KCNA6: variants seen among roughly 807,000 people sequenced by gnomAD.
KCNA6 encodes the protein human brain potassium channel-2.
A neutral mutation model predicts 29.5 loss-of-function variants in KCNA6; 17 were observed. The ratio of observed to expected loss-of-function variants is 0.58; its 90% CI spans 0.39 to 0.86. KCNA6 has a LOEUF of 0.86. Ranked by LOEUF, KCNA6 falls within the 40% of genes least tolerant of loss-of-function variation. KCNA6 has a pLI of 0.00. For missense variants in KCNA6, 450 were observed against 703.4 expected (o/e 0.64, Z 4.07); for synonymous variants, 296 against 304.7 (o/e 0.97, Z 0.30).
chr12:4,820,743 C>T, the KCNA6 span, among the ~76,000 whole-genome samples: 3 of 152,258 alleles, frequency 2.0e-5, no homozygotes, highest in African/African-American at 7.2e-5. Context: ...AAGCCCAGAA[C>T]CAGATGACCA....
chr12:4,821,820 T>G, the KCNA6 span, among the ~76,000 whole-genome samples: 1 of 152,204 alleles, frequency 6.6e-6, no homozygotes, highest in Non-Finnish European at 1.5e-5. Context: ...TCCCTGCTGC[T>G]GAGGCTGGGC....
At chr12:4,839,453 C>T in the KCNA6 span, 6 of 152,180 alleles carry the variant, frequency 3.9e-5, no homozygotes, top group African/African-American at 1.4e-4. Context: ...ATACATATAA[C>T]ATACAAAATA....
At chr12:4,817,391 T>C (rs537057212), downstream of KCNA6, among the ~76,000 whole-genome samples, 318 of 152,242 alleles carry the variant, frequency 2.1e-3, 2 homozygotes, top group African/African-American at 7.5e-3. Flanking sequence ...GATGAACCAC[T>C]TTCCTGTGCT....
Position 4,810,878 on chromosome 12 carries a change from G to C in KCNA6, c.837G>C (p.Leu279=). The change falls in exon 1 of 1, where the codon CTG becomes CTC. Residue 279 remains leucine, a synonymous_variant. Coordinates refer to ENST00000280684, the Ensembl canonical transcript of KCNA6. The surrounding 1 kb of genome is among the most constrained non-coding windows in gnomAD (Gnocchi z 7.5). Reference sequence around the variant, plus strand: ...TTGTCTGGTTCACTTTTGAGCTCCTGGTGCGCTTCTCCGCCTGCCCTAGCA... The same window carrying C: ...TTGTCTGGTTCACTTTTGAGCTCCTCGTGCGCTTCTCCGCCTGCCCTAGCA... The C allele has an allele frequency of 6.2e-7, 1 of 1,613,342 alleles. No homozygotes were observed. Among genetic ancestry groups the C allele is most frequent in the East Asian group, 2.2e-5 (1 of 44,874 alleles).
chr12:4,814,547 C>T (rs749558001), downstream of KCNA6: 5 of 167,122 alleles, frequency 3.0e-5, no homozygotes, highest in Admixed American at 6.5e-5. The surrounding 1 kb of genome is among the most constrained non-coding windows in gnomAD (Gnocchi z 4.6). Flanking sequence ...TGATCCCTCT[C>T]GGACCCTGAG....
Position 4,811,406 on chromosome 12 carries a change from C to G in KCNA6, c.1365C>G (p.Pro455=), listed in dbSNP as rs140094246. The G allele has an allele frequency of 6.2e-7, 1 of 1,614,156 alleles. No individual in the cohort carries two copies. Among genetic ancestry groups the G allele is most frequent in the African/African-American group, 1.3e-5 (1 of 75,048 alleles). Reference sequence around the variant, plus strand: ...TCCTCACCATTGCCCTGCCTGTGCCCGTCATCGTCTCCAACTTCAACTACT... The same window carrying G: ...TCCTCACCATTGCCCTGCCTGTGCCGGTCATCGTCTCCAACTTCAACTACT... The change falls in exon 1 of 1, where the codon CCC becomes CCG. Residue 455 remains proline, a synonymous_variant. Transcript: ENST00000280684. The surrounding 1 kb of genome is among the most constrained non-coding windows in gnomAD (Gnocchi z 7.1).
chr12:4,840,376 A>T, the KCNA6 span, among the ~76,000 whole-genome samples: 2 of 152,206 alleles, frequency 1.3e-5, no homozygotes, highest in South Asian at 4.1e-4. Flanking sequence ...CAATAAGCAC[A>T]TGAAAAAAGC....
chr12:4,810,007 CG>C lies in KCNA6; in HGVS notation c.-34del. 1 of 1,502,644 alleles carries C rather than the reference CG, an allele frequency of 6.7e-7. No homozygotes were observed. Among genetic ancestry groups the C allele is most frequent in the Admixed American group, 2.3e-5 (1 of 43,938 alleles). 93.1% of individuals were successfully genotyped at this position (1,502,644 alleles called of 1,614,324 possible). ...GCTCCAGAGATTGTGTCGTGGGCGCCGTCCTAGTGGCGGGGAGCGCACCTCC... is the reference window on the plus strand; with the variant it reads ...GCTCCAGAGATTGTGTCGTGGGCGCCTCCTAGTGGCGGGGAGCGCACCTCC... On this transcript the variant is annotated 5_prime_UTR_variant, in exon 1 of 1. Coordinates refer to ENST00000280684, the Ensembl canonical transcript of KCNA6. This position sits in a 1 kb window ranked among gnomAD's most constrained non-coding sequence, Gnocchi z 7.5.
At chr12:4,809,802 C>G in exon 1 of KCNA6, 1 of 463,612 alleles carries the variant, frequency 2.2e-6, no homozygotes, top group Non-Finnish European at 3.7e-6. Flanking sequence ...CACCCGGGCG[C>G]GGGTAACGGG....
the KCNA6 span, among the ~76,000 whole-genome samples, chr12:4,835,455 AT>A: frequency 6.6e-6 from 1 of 151,808 alleles, no homozygotes; most frequent in Non-Finnish European, 1.5e-5. Context: ...TTTTTAAATT[AT>A]TTTTTTCTTT....
the KCNA6 span, among the ~76,000 whole-genome samples, chr12:4,850,586 T>G: frequency 2.6e-5 from 4 of 152,126 alleles, no homozygotes; most frequent in Admixed American, 2.0e-4. This position sits in a 1 kb window ranked among gnomAD's most constrained non-coding sequence, Gnocchi z 5.4. Flanking sequence ...CCAGAGCACC[T>G]AAGGATGGGG....
At chr12:4,832,434 C>G in the KCNA6 span, among the ~76,000 whole-genome samples, 1 of 151,894 alleles carries the variant, frequency 6.6e-6, no homozygotes, top group African/African-American at 2.4e-5. Flanking sequence ...CAGGCCTGGT[C>G]ACATCTGAGG....
the KCNA6 span, among the ~76,000 whole-genome samples, chr12:4,819,471 C>T: frequency 1.3e-5 from 2 of 152,218 alleles, no homozygotes; most frequent in Non-Finnish European, 2.9e-5. Flanking sequence ...TGGGGGTACC[C>T]CTTAATCTCC....
chr12:4,810,161 C>T lies in KCNA6; in HGVS notation c.120C>T (p.Ser40=). 2 of 1,609,842 alleles carry T rather than the reference C, an allele frequency of 1.2e-6. No individual in the cohort carries two copies. The highest frequency in any genetic ancestry group is 1.7e-6 in the Non-Finnish European group (2 of 1,178,490). Reference sequence around the variant, plus strand: ...GCGGGGGCGGGGGCTGCTGTAGTAGCGAGCGGCTGGTGATCAATATCTCCG... The same window carrying T: ...GCGGGGGCGGGGGCTGCTGTAGTAGTGAGCGGCTGGTGATCAATATCTCCG... Residue 40 remains serine (S), a synonymous_variant, in exon 1 of 1, where the codon AGC becomes AGT. Coordinates refer to ENST00000280684, the Ensembl canonical transcript of KCNA6. The surrounding 1 kb of genome is among the most constrained non-coding windows in gnomAD (Gnocchi z 7.5).
At chr12:4,824,270 G>T in the KCNA6 span, among the ~76,000 whole-genome samples, 1 of 152,170 alleles carries the variant, frequency 6.6e-6, no homozygotes, top group Non-Finnish European at 1.5e-5. Context: ...AAGGTCTCTT[G>T]TCCAAACGTT....
At chr12:4,819,425 CT>C in the KCNA6 span, among the ~76,000 whole-genome samples, 1 of 152,242 alleles carries the variant, frequency 6.6e-6, no homozygotes, top group Non-Finnish European at 1.5e-5. Context: ...AGCATGCATT[CT>C]TTTCCCCAGT....
chr12:4,846,066 T>G, the KCNA6 span, among the ~76,000 whole-genome samples: 1 of 151,030 alleles, frequency 6.6e-6, no homozygotes, highest in Non-Finnish European at 1.5e-5. Flanking sequence ...CAAAATTCAT[T>G]TATGTTTCAT....
chr12:4,833,133 G>A, the KCNA6 span, among the ~76,000 whole-genome samples: 1 of 152,122 alleles, frequency 6.6e-6, no homozygotes, highest in Non-Finnish European at 1.5e-5. Context: ...TTCAGGATTC[G>A]TAATGCATCA....
chr12:4,822,106 A>G, the KCNA6 span, among the ~76,000 whole-genome samples: 3 of 152,136 alleles, frequency 2.0e-5, no homozygotes, highest in Non-Finnish European at 4.4e-5. Context: ...AAGTGTTGGG[A>G]TTACAGGTGT....
Sources: gnomAD v4.1 joint callset for allele counts (sites outside exome capture counted in the v4.1 genomes callset) on GRCh38, gnomAD v4.1.1 for gene constraint, Gnocchi (gnomAD v3.1) non-coding constraint, MANE v1.5 for transcripts, NCBI Gene and HGNC (gene_info 2026-07-23, HGNC 2026-07-21) for gene names.